PTPN4: variants seen among roughly 807,000 people sequenced by gnomAD.
PTPN4 encodes the protein tyrosine-protein phosphatase non-receptor type 4.
A neutral mutation model predicts 135.5 loss-of-function variants in PTPN4; 49 were observed. That is an observed-to-expected ratio of 0.36 (90% CI 0.29 to 0.46). The LOEUF is 0.46. PTPN4 is among the 20% of genes least tolerant of loss of function. The pLI, the probability that PTPN4 is intolerant of heterozygous loss-of-function variation, is 1.00. For synonymous variants in PTPN4, 333 were observed against 369.9 expected, an observed-to-expected ratio of 0.90 and a Z score of 1.14; for missense variants, 860 against 1,101.0, an observed-to-expected ratio of 0.78 and a Z score of 3.10.
intron 7 of PTPN4, 39 bp from the exon 8 acceptor site, chr2:119,882,464 T>G: frequency 6.9e-7 from 1 of 1,446,324 alleles, no homozygotes; most frequent in Non-Finnish European, 9.3e-7. Flanking sequence ...ATTTAAAAAT[T>G]TGTTTATTAA....
At chr2:119,961,860 G>T (rs1201877031) in intron 23 of PTPN4, among the ~76,000 whole-genome samples, 3 of 152,188 alleles carry the variant, frequency 2.0e-5, no homozygotes, top group African/African-American at 7.2e-5. Context: ...AAGTAGATCA[G>T]TGGTGGTCTA....
intron 23 of PTPN4, among the ~76,000 whole-genome samples, chr2:119,961,161 A>C (rs2105058781): frequency 6.6e-6 from 1 of 152,342 alleles, no homozygotes. Context: ...CATTACTGTC[A>C]TTGTTATTTA....
intron 2 of PTPN4, among the ~76,000 whole-genome samples, chr2:119,830,544 G>A (rs1474057672): frequency 6.6e-6 from 1 of 152,104 alleles, no homozygotes; most frequent in East Asian, 1.9e-4. Context: ...TCTTGGCTCA[G>A]TGCAGCCTCA....
rs1040156921 is a variant in PTPN4 at position 119,978,577 on chromosome 2, G to A, written c.*1507G>A. 2.0e-5 allele frequency: 3 copies of A among 151,900 alleles called. No homozygotes were observed. Among genetic ancestry groups the A allele is most frequent in the African/African-American group, 4.8e-5 (2 of 41,362 alleles). 9.4% of individuals were successfully genotyped at this position (151,900 alleles called of 1,614,324 possible). A position where few individuals can be genotyped will look rare whatever the true frequency, so the allele number is the denominator to read the frequency against. On this transcript the variant is annotated 3_prime_UTR_variant, in exon 27 of 27. Coordinates refer to ENST00000263708, the MANE Select transcript of PTPN4 (RefSeq NM_002830.4). The stretch of plus-strand genomic sequence containing the variant: ...GGAATTCCCGTATTTTCCTCTTCAG[G>A]TTTTTTTGTTTTTAAGTCTACAGAG...
chr2:119,920,402 T>C (rs1678718982), intron 12 of PTPN4, among the ~76,000 whole-genome samples, 161 bp downstream of exon 12: 1 of 152,206 alleles, frequency 6.6e-6, no homozygotes, highest in African/African-American at 2.4e-5. Context: ...ATTAAAAAGT[T>C]CTATAGGTTC....
chr2:119,843,173 T>C (rs1449297043), intron 2 of PTPN4, among the ~76,000 whole-genome samples: 3 of 151,978 alleles, frequency 2.0e-5, no homozygotes, highest in Admixed American at 1.3e-4. Flanking sequence ...GTGGATTATA[T>C]TGAGCTTTTT....
intron 2 of PTPN4, among the ~76,000 whole-genome samples, chr2:119,861,227 TTAATC>T (rs767898653): frequency 2.3e-4 from 35 of 152,022 alleles, no homozygotes; most frequent in Non-Finnish European, 4.3e-4. Context: ...TTTGTGGTAA[TTAATC>T]TAGTACTGTG....
intron 15 of PTPN4, among the ~76,000 whole-genome samples, chr2:119,936,982 C>T (rs770922832): frequency 6.6e-6 from 1 of 152,120 alleles, no homozygotes; most frequent in Non-Finnish European, 1.5e-5. Flanking sequence ...TACTTAGTTG[C>T]TTACAGTCAC....
At chr2:119,882,681 A>G in intron 8 of PTPN4, 58 bp downstream of exon 8, 1 of 1,330,180 alleles carries the variant, frequency 7.5e-7, no homozygotes, top group East Asian at 2.5e-5. Context: ...TTTCTAGAGA[A>G]ATGTTTGAAA....
intron 22 of PTPN4, among the ~76,000 whole-genome samples, chr2:119,958,094 A>G (rs1187828116): frequency 6.6e-6 from 1 of 152,128 alleles, no homozygotes; most frequent in African/African-American, 2.4e-5. Context: ...TATTTAATAT[A>G]CAAAGAGCTT....
At chr2:119,976,903 G>A in intron 26 of PTPN4, 81 bp from the exon 27 acceptor site, 3 of 1,533,380 alleles carry the variant, frequency 2.0e-6, no homozygotes, top group Non-Finnish European at 2.6e-6. Flanking sequence ...AGCCAAGTGA[G>A]ATGTTTGTCT....
chr2:119,878,910 G>T (rs184898152), intron 5 of PTPN4, among the ~76,000 whole-genome samples: 14 of 151,752 alleles, frequency 9.2e-5, no homozygotes, highest in Admixed American at 2.6e-4. Flanking sequence ...TGGCTAACAC[G>T]GTGAAACCCC....
chr2:119,793,664 G>C (rs1044332035), intron 1 of PTPN4, among the ~76,000 whole-genome samples: 2 of 152,044 alleles, frequency 1.3e-5, no homozygotes, highest in Non-Finnish European at 2.9e-5. Flanking sequence ...AATTATAAAA[G>C]TATTAATTTG....
At chr2:119,796,162 T>A (rs1691255334) in intron 1 of PTPN4, among the ~76,000 whole-genome samples, 1 of 120,386 alleles carries the variant, frequency 8.3e-6, no homozygotes, top group African/African-American at 3.1e-5. Flanking sequence ...CCACAGCTGC[T>A]CCTGCTGCCA....
At position 119,978,393 on chromosome 2, in the gene PTPN4, A is replaced by C. The variant is rs1482820483; in HGVS notation, c.*1323A>C. The C allele has an allele frequency of 6.6e-6, 1 of 150,508 alleles. No individual in the cohort carries two copies. Among genetic ancestry groups the C allele is most frequent in the Non-Finnish European group, 1.5e-5 (1 of 67,720 alleles). The allele number at this position is 150,508 out of a possible 1,614,324, so 9.3% of individuals were successfully genotyped here. Reference sequence around the variant, plus strand: ...AATGAAACATTATTGACTTATTTCTAAGTGTAATAACTCAATAACTAAATT... The same window carrying C: ...AATGAAACATTATTGACTTATTTCTCAGTGTAATAACTCAATAACTAAATT... On this transcript the variant is annotated 3_prime_UTR_variant, in exon 27 of 27. Coordinates refer to ENST00000263708, the MANE Select transcript of PTPN4 (RefSeq NM_002830.4).
chr2:119,949,945 G>GTA (rs1679188820), intron 18 of PTPN4, among the ~76,000 whole-genome samples: 1 of 152,046 alleles, frequency 6.6e-6, no homozygotes, highest in Non-Finnish European at 1.5e-5. Flanking sequence ...CTGTATGTGT[G>GTA]TATATATACA....
intron 5 of PTPN4, 54 bp downstream of exon 5, chr2:119,877,596 AT>A: frequency 6.5e-7 from 1 of 1,539,024 alleles, no homozygotes. Context: ...CTAATATGAA[AT>A]TTTGAAATTA....
intron 26 of PTPN4, among the ~76,000 whole-genome samples, chr2:119,970,145 C>T (rs901519757): frequency 1.1e-4 from 16 of 152,128 alleles, no homozygotes; most frequent in African/African-American, 3.1e-4. Flanking sequence ...CCGCAACCTC[C>T]GCCTTCCGGG....
At chr2:119,794,417 C>T (rs867832944) in intron 1 of PTPN4, among the ~76,000 whole-genome samples, 8 of 152,182 alleles carry the variant, frequency 5.3e-5, no homozygotes, top group Non-Finnish European at 1.0e-4. Context: ...AGCAGCAAGG[C>T]GTGTGTGGAG....
Sources: gnomAD v4.1 joint callset for allele counts (sites outside exome capture counted in the v4.1 genomes callset) on GRCh38, gnomAD v4.1.1 for gene constraint, MANE v1.5 for transcripts, NCBI Gene and HGNC (gene_info 2026-07-23, HGNC 2026-07-21) for gene names.